TRAPPC12: variants seen among roughly 807,000 people sequenced by gnomAD.
TRAPPC12 encodes the protein trafficking protein particle complex subunit 12.
Under a neutral mutation model 69.2 loss-of-function variants are expected in TRAPPC12, and 61 were observed. The ratio of observed to expected loss-of-function variants is 0.88; its 90% CI spans 0.72 to 1.09. The LOEUF is 1.09. Ranked by LOEUF, TRAPPC12 falls within the 50% of genes least tolerant of loss-of-function variation. TRAPPC12 has a pLI of 0.00. For missense variants in TRAPPC12, 1,101 were observed against 1,016.4 expected, an observed-to-expected ratio of 1.08 and a Z score of -1.13; for synonymous variants, 469 against 438.9, an observed-to-expected ratio of 1.07 and a Z score of -0.86.
Position 3,387,602 on chromosome 2 carries a change from CTCTG to C in TRAPPC12, c.-4-14_-4-11del. 3 of 1,503,716 alleles carry C rather than the reference CTCTG, an allele frequency of 2.0e-6. No individual in the cohort carries two copies. The highest frequency in any genetic ancestry group is 1.3e-5 in the South Asian group (1 of 78,904). The allele number at this position is 1,503,716 out of a possible 1,614,324, so 93.1% of individuals were successfully genotyped here. A position where few individuals can be genotyped will look rare whatever the true frequency, so the allele number is the denominator to read the frequency against. On this transcript the variant is annotated splice_polypyrimidine_tract_variant and intron_variant, in intron 1 of 11. Coordinates refer to ENST00000324266, the MANE Select transcript of TRAPPC12 (RefSeq NM_016030.6). ...TGAAGATCACGCTCAGGGGCCTTCT[CTCTG>C]TCTTTGCTTTCAGGGTCATGGAGGA...
In TRAPPC12 at chr2:3,462,011, G is replaced by T. The variant is rs538465908; in HGVS notation, c.1677+1675G>T. On this transcript the variant is annotated intron_variant, in intron 8 of 11. Coordinates refer to ENST00000324266, the MANE Select transcript of TRAPPC12 (RefSeq NM_016030.6). ...TCCACCTGCTGAGGGCATTGTCAGCGTCACCTGAAAGTCACCAGCTTGCCG... is the reference window on the plus strand; with the variant it reads ...TCCACCTGCTGAGGGCATTGTCAGCTTCACCTGAAAGTCACCAGCTTGCCG... Among the ~76,000 whole-genome samples, 300 of 152,352 alleles carry T rather than the reference G, an allele frequency of 2.0e-3. 3 individuals carry two copies. The highest frequency in any genetic ancestry group is 6.9e-3 in the African/African-American group (288 of 41,580).
At chr2:3,415,750 T>C (rs998700369) in intron 3 of TRAPPC12, among the ~76,000 whole-genome samples, 3 of 147,034 alleles carry the variant, frequency 2.0e-5, no homozygotes, top group African/African-American at 7.7e-5. Context: ...AGAGTCTCGC[T>C]CTGTTGCCCA....
intron 3 of TRAPPC12, among the ~76,000 whole-genome samples, chr2:3,412,453 C>T (rs1662115892): frequency 6.6e-6 from 1 of 152,162 alleles, no homozygotes; most frequent in Non-Finnish European, 1.5e-5. Flanking sequence ...TCCCAGTACT[C>T]AGGAGGCTGA....
At position 3,394,025 on chromosome 2, in the gene TRAPPC12, T is replaced by C. The variant is rs541517704; in HGVS notation, c.1047+5355T>C. 9.2e-5 allele frequency among the ~76,000 whole-genome samples: 14 copies of C among 152,310 alleles called. No homozygotes were observed. In the South Asian group the frequency reaches 2.9e-3, roughly 32 times the overall value. On this transcript the variant is annotated intron_variant, in intron 2 of 11. Coordinates refer to ENST00000324266, the MANE Select transcript of TRAPPC12 (RefSeq NM_016030.6). Reference sequence around the variant, plus strand: ...GGTATGGTGGCTGGAATAGGATACATGTTTATTTCCAGGTGGTAGAACACT... The same window carrying C: ...GGTATGGTGGCTGGAATAGGATACACGTTTATTTCCAGGTGGTAGAACACT...
Position 3,457,621 on chromosome 2 carries a change from A to G in TRAPPC12, c.1531A>G (p.Ile511Val). Residue 511 changes from isoleucine to valine, a missense_variant and splice_region_variant, in exon 7 of 12, where the codon ATC becomes GTC. Physicochemically the swap from Ile to Val is conservative, Grantham distance 29. Coordinates refer to ENST00000324266, the MANE Select transcript of TRAPPC12 (RefSeq NM_016030.6). ...LHKVKTVCSK[I>V]LANLEQGLAE... ...TCCTTCTCATTTGGAATGATTGCAG[A>G]TCCTGGCCAATTTGGAGCAAGGCTT... 4 of 1,612,964 alleles carry G rather than the reference A, an allele frequency of 2.5e-6. No homozygotes were observed. Among genetic ancestry groups the G allele is most frequent in the Non-Finnish European group, 3.4e-6 (4 of 1,179,962 alleles).
chr2:3,464,037 G>A (rs992700908), intron 8 of TRAPPC12, among the ~76,000 whole-genome samples: 1 of 152,086 alleles, frequency 6.6e-6, no homozygotes, highest in Admixed American at 6.6e-5. Flanking sequence ...AGCTGCATCT[G>A]GGGTGCCATG....
At chr2:3,417,006 C>T (rs1367238743) in intron 3 of TRAPPC12, among the ~76,000 whole-genome samples, 1 of 151,860 alleles carries the variant, frequency 6.6e-6, no homozygotes, top group Non-Finnish European at 1.5e-5. Context: ...CTCAGGAAGG[C>T]CTTCCTCTCC....
chr2:3,452,756 C>T (rs1467871124), intron 6 of TRAPPC12, among the ~76,000 whole-genome samples: 2 of 152,228 alleles, frequency 1.3e-5, no homozygotes, highest in African/African-American at 4.8e-5. Context: ...TTTCATTGCT[C>T]CCCGATCCCA....
chr2:3,420,318 A>T (rs538271260), intron 3 of TRAPPC12, among the ~76,000 whole-genome samples: 2 of 152,236 alleles, frequency 1.3e-5, no homozygotes, highest in African/African-American at 4.8e-5. Context: ...CTGAAGCTCA[A>T]GGCCCAGCAC....
intron 6 of TRAPPC12, chr2:3,457,073 A>G (rs1328395512): frequency 4.3e-6 from 2 of 463,026 alleles, no homozygotes; most frequent in African/African-American, 2.0e-5. Context: ...GGCGAACGGG[A>G]TAAGGAAAAG....
At chr2:3,420,067 C>G (rs1288162461) in intron 3 of TRAPPC12, among the ~76,000 whole-genome samples, 1 of 152,194 alleles carries the variant, frequency 6.6e-6, no homozygotes, top group African/African-American at 2.4e-5. Flanking sequence ...AAGAATCTGC[C>G]CAAAGATGTT....
intron 6 of TRAPPC12, among the ~76,000 whole-genome samples, chr2:3,450,380 C>A (rs2103116714): frequency 6.6e-6 from 1 of 152,300 alleles, no homozygotes; most frequent in Non-Finnish European, 1.5e-5. Flanking sequence ...ATGAGGGGCC[C>A]AGAGGACACT....
chr2:3,391,698 T>A (rs1214370498), intron 2 of TRAPPC12, among the ~76,000 whole-genome samples: 1 of 152,218 alleles, frequency 6.6e-6, no homozygotes, highest in Non-Finnish European at 1.5e-5. Flanking sequence ...CGGACTCTGA[T>A]GTCAGGGGTA....
intron 5 of TRAPPC12, among the ~76,000 whole-genome samples, chr2:3,436,517 TTAA>T (rs1234067678): frequency 4.6e-5 from 7 of 151,942 alleles, no homozygotes; most frequent in Non-Finnish European, 7.4e-5. Context: ...ATTTTTATTA[TTAA>T]TAAGTATAAA....
At chr2:3,451,855 C>T (rs1415707130) in intron 6 of TRAPPC12, among the ~76,000 whole-genome samples, 1 of 152,174 alleles carries the variant, frequency 6.6e-6, no homozygotes, top group African/African-American at 2.4e-5. Flanking sequence ...ACAAAACTAA[C>T]CCTCCAACAT....
chr2:3,465,444 G>A (rs1336054684), intron 8 of TRAPPC12, among the ~76,000 whole-genome samples, 153 bp from the exon 9 acceptor site: 5 of 152,200 alleles, frequency 3.3e-5, no homozygotes, highest in Admixed American at 2.0e-4. Context: ...TGGCAGCCGA[G>A]CACCGCGTGC....
At chr2:3,455,979 C>A (rs530293588) in intron 6 of TRAPPC12, 1 of 152,228 alleles carries the variant, frequency 6.6e-6, no homozygotes, top group Non-Finnish European at 1.5e-5. Context: ...CAACTGTGGA[C>A]AAGGGGTGAG....
intron 3 of TRAPPC12, among the ~76,000 whole-genome samples, chr2:3,410,891 G>C (rs1012586851): frequency 1.3e-5 from 2 of 152,156 alleles, no homozygotes; most frequent in African/African-American, 4.8e-5. Flanking sequence ...TTAGCTGGGC[G>C]TGGTGGTGCA....
At chr2:3,395,730 T>G (rs1661093831) in intron 2 of TRAPPC12, among the ~76,000 whole-genome samples, 1 of 101,332 alleles carries the variant, frequency 9.9e-6, no homozygotes, top group Non-Finnish European at 2.5e-5. Context: ...GCCCAGCTAA[T>G]TTTTTTTTTT....
Sources: allele counts gnomAD v4.1 joint callset (sites outside exome capture counted in the v4.1 genomes callset), GRCh38; gene constraint gnomAD v4.1.1; transcripts MANE v1.5; gene names NCBI Gene and HGNC (gene_info 2026-07-23, HGNC 2026-07-21).